DHX57: variants seen among roughly 807,000 people sequenced by gnomAD.
DHX57 encodes the protein putative ATP-dependent RNA helicase DHX57.
A neutral mutation model predicts 156.2 loss-of-function variants in DHX57; 105 were observed. The ratio of observed to expected loss-of-function variants is 0.67; its 90% confidence interval spans 0.57 to 0.79. The LOEUF (loss-of-function observed/expected upper bound fraction) is 0.79. DHX57 is among the 30% of genes least tolerant of loss of function. DHX57 has a pLI of 0.00. For synonymous variants in DHX57, 704 were observed against 595.6 expected, an observed-to-expected ratio of 1.18 and a Z score of -2.65; for missense variants, 1,847 against 1,661.9, an observed-to-expected ratio of 1.11 and a Z score of -1.94.
intron 19 of DHX57, chr2:38,816,056 C>T (rs1670531944): frequency 2.2e-6 from 1 of 462,502 alleles, no homozygotes; most frequent in East Asian, 6.9e-5. Flanking sequence ...CCTAGCTTTT[C>T]CTACTTGCAT....
chr2:38,811,287 G>C (rs1335783304), intron 21 of DHX57: 1 of 519,802 alleles, frequency 1.9e-6, no homozygotes, highest in Non-Finnish European at 3.8e-6. Flanking sequence ...TAGCAGGCGA[G>C]CTCAAACCAG....
rs574556248 is a variant in DHX57, at chr2:38,868,091, C to T, written c.224+91G>A. 2.1e-5 allele frequency: 32 copies of T among 1,490,104 alleles called. No homozygotes were observed. The East Asian group carries it at 3.0e-4, about 14-fold the overall frequency. The allele number at this position is 1,490,104 out of a possible 1,614,324, so 92.3% of individuals were successfully genotyped here. ...GGAAGACAATTTGACCAGAATTACT[C>T]GACTTTTTTTCCATTCTCAGCCATC... On this transcript the variant is annotated intron_variant, in intron 2 of 23. Coordinates refer to ENST00000457308, the MANE Select transcript of DHX57 (RefSeq NM_198963.3).
At chr2:38,862,062 T>C (rs1047069111) in intron 4 of DHX57, 83 bp downstream of exon 4, 4 of 1,447,476 alleles carry the variant, frequency 2.8e-6, no homozygotes, top group Non-Finnish European at 3.7e-6. Context: ...AATAGGAAAG[T>C]ACACAAAGAG....
intron 17 of DHX57, among the ~76,000 whole-genome samples, chr2:38,821,879 C>A (rs1352512934): frequency 6.6e-6 from 1 of 151,620 alleles, no homozygotes; most frequent in Admixed American, 6.6e-5. Context: ...AATTATATGC[C>A]AATAAATTAG....
chr2:38,854,325 T>C (rs779818735), intron 8 of DHX57, 147 bp from the exon 9 acceptor site: 1 of 703,554 alleles, frequency 1.4e-6, no homozygotes, highest in Non-Finnish European at 2.2e-6. Context: ...AAACATAGTT[T>C]CTTGCCAGGG....
intron 20 of DHX57, among the ~76,000 whole-genome samples, chr2:38,815,037 A>G (rs1670453863): frequency 6.7e-6 from 1 of 148,930 alleles, no homozygotes; most frequent in African/African-American, 2.5e-5. Context: ...TATTCTTATG[A>G]GTGTTAGCTG....
chr2:38,815,857 G>A (rs1572632557), intron 19 of DHX57: 1 of 611,860 alleles, frequency 1.6e-6, no homozygotes, highest in East Asian at 2.8e-5. Flanking sequence ...CAGGCAAACT[G>A]AAACGGTTAT....
chr2:38,813,684 T>G (rs1042050658), intron 21 of DHX57, 137 bp downstream of exon 21: 9 of 1,028,960 alleles, frequency 8.7e-6, no homozygotes, highest in African/African-American at 1.6e-5. Context: ...AAATGTATAC[T>G]AAGTTTAAAA....
chr2:38,847,352 G>A lies in DHX57; in HGVS notation c.2165-279C>T, dbSNP rs181503795. On this transcript the variant is annotated intron_variant, in intron 10 of 23. Transcript: ENST00000457308. Reference sequence around the variant, plus strand: ...TTTCATACCCTCCTCCCCTGCCCCCGCCACTTCCACCATAGAGGACCTTTA... The same window carrying A: ...TTTCATACCCTCCTCCCCTGCCCCCACCACTTCCACCATAGAGGACCTTTA... Among the ~76,000 whole-genome samples, 20 of 151,976 alleles carry A rather than the reference G, an allele frequency of 1.3e-4. No individual in the cohort carries two copies. The East Asian group carries it at 2.7e-3, about 21-fold the overall frequency.
At chr2:38,835,218 C>T (rs772860463) in intron 13 of DHX57, among the ~76,000 whole-genome samples, 1 of 152,172 alleles carries the variant, frequency 6.6e-6, no homozygotes, top group Non-Finnish European at 1.5e-5. Context: ...AAAAAAATGC[C>T]ACAAAGGACA....
chr2:38,835,102 G>C (rs939690301), intron 13 of DHX57, among the ~76,000 whole-genome samples: 1 of 152,186 alleles, frequency 6.6e-6, no homozygotes, highest in Non-Finnish European at 1.5e-5. Context: ...TGCTGACCAA[G>C]AGGCAGCAGA....
chr2:38,842,505 G>A (rs1157400730), intron 12 of DHX57, among the ~76,000 whole-genome samples: 1 of 151,950 alleles, frequency 6.6e-6, no homozygotes, highest in Non-Finnish European at 1.5e-5. Context: ...TCTTAGGAAA[G>A]ACACACTAAA....
chr2:38,858,093 G>A (rs111499553), intron 6 of DHX57, among the ~76,000 whole-genome samples: 1,610 of 152,202 alleles, frequency 0.011, 18 homozygotes, highest in East Asian at 0.055. Context: ...ACAGAGTCTT[G>A]CTCTGTTGCC....
chr2:38,802,631 AG>A, intron 23 of DHX57, 83 bp downstream of exon 23: 1 of 1,530,502 alleles, frequency 6.5e-7, no homozygotes, highest in Non-Finnish European at 8.9e-7. Context: ...TGGTCCCTAG[AG>A]GAATGCCCTT....
rs888640191 is a variant in DHX57 at position 38,856,228 on chromosome 2, A to G, written c.1709+112T>C. On this transcript the variant is annotated intron_variant, in intron 7 of 23. Transcript: ENST00000457308. ...GCCTTATGTCTCAAGGCAGATGTAT[A>G]TAATATCTATAAATCCAGCTACAGT... 6.9e-6 allele frequency: 10 copies of G among 1,448,440 alleles called. No homozygotes were observed. In the African/African-American group the frequency reaches 1.3e-4, roughly 19 times the overall value. The allele number at this position is 1,448,440 out of a possible 1,614,324, so 89.7% of individuals were successfully genotyped here.
At position 38,838,083 on chromosome 2, in the gene DHX57, G is replaced by A. The variant is rs1572667024; in HGVS notation, c.2426-136C>T. ...AATAGCACAGATATTAACATTTAAT[G>A]TACTGAAATGAACTTTTTTCTTTTC... On this transcript the variant is annotated intron_variant, in intron 12 of 23. Coordinates refer to ENST00000457308, the MANE Select transcript of DHX57 (RefSeq NM_198963.3). The A allele has an allele frequency of 1.1e-5, 7 of 641,562 alleles. No homozygotes were observed. The East Asian group carries it at 1.9e-4, about 18-fold the overall frequency. The allele number at this position is 641,562 out of a possible 1,614,324, so 39.7% of individuals were successfully genotyped here.
intron 16 of DHX57, among the ~76,000 whole-genome samples, chr2:38,824,797 G>A (rs961351662): frequency 3.3e-5 from 5 of 152,216 alleles, no homozygotes; most frequent in Middle Eastern, 3.4e-3. Flanking sequence ...ACAGGCGTGC[G>A]CCACTATACC....
rs1572709197 is a variant in DHX57 at position 38,863,605 on chromosome 2, T to C, written c.225-86A>G. 12 of 1,223,112 alleles carry C rather than the reference T, an allele frequency of 9.8e-6. No homozygotes were observed. In the East Asian group the frequency reaches 2.8e-4, roughly 29 times the overall value. 75.8% of individuals were successfully genotyped at this position (1,223,112 alleles called of 1,614,324 possible). Reference sequence around the variant, plus strand: ...CTCAGGGGTCCCCAGATATACACAATACAAACTGGATTGTCAAGTATCTTA... The same window carrying C: ...CTCAGGGGTCCCCAGATATACACAACACAAACTGGATTGTCAAGTATCTTA... On this transcript the variant is annotated intron_variant, in intron 2 of 23. Coordinates refer to ENST00000457308, the MANE Select transcript of DHX57 (RefSeq NM_198963.3).
chr2:38,823,340 T>C (rs1210224127), intron 16 of DHX57, 71 bp from the exon 17 acceptor site: 3 of 1,395,380 alleles, frequency 2.1e-6, no homozygotes, highest in African/African-American at 1.5e-5. Context: ...ATAATTTCTT[T>C]TGTGAGTGAT....
Sources: gnomAD v4.1 joint callset for allele counts (sites outside exome capture counted in the v4.1 genomes callset) on GRCh38, gnomAD v4.1.1 for gene constraint, MANE v1.5 for transcripts, NCBI Gene and HGNC (gene_info 2026-07-23, HGNC 2026-07-21) for gene names.